Variants in RBFOX1 observed in about 807,000 individuals in gnomAD.
RBFOX1 encodes RNA binding protein fox-1 homolog 1.
A neutral mutation model predicts 57.7 loss-of-function variants in RBFOX1; 8 were observed. That is an observed-to-expected ratio of 0.14 (90% CI 0.08 to 0.25). RBFOX1 has a LOEUF of 0.25. RBFOX1 is among the 10% of genes least tolerant of loss of function. The probability of loss-of-function intolerance (pLI) is 1.00; values close to 1 mark genes in which losing one functional copy is unlikely to be tolerated. For synonymous variants in RBFOX1, 326 were observed against 222.4 expected (o/e 1.47, Z -4.15); for missense variants, 611 against 548.5 (o/e 1.11, Z -1.14).
chr16:7,252,160 C>A (rs1032236107), intron 4 of RBFOX1, among the ~76,000 whole-genome samples: 2 of 152,198 alleles, frequency 1.3e-5, no homozygotes, highest in Non-Finnish European at 2.9e-5. Context: ...ATGAGAACTC[C>A]TATTTCTTAC....
At chr16:5,495,880 C>G (rs2042985668) in intron 2 of RBFOX1, among the ~76,000 whole-genome samples, 1 of 152,200 alleles carries the variant, frequency 6.6e-6, no homozygotes, top group Admixed American at 6.5e-5. Context: ...AATCCCGGCA[C>G]TGTGGGAGGC....
intron 13 of RBFOX1, among the ~76,000 whole-genome samples, chr16:7,667,916 C>T (rs2069940930): frequency 6.6e-6 from 1 of 152,128 alleles, no homozygotes; most frequent in African/African-American, 2.4e-5. Context: ...TCAAGTGATC[C>T]ATCCGCCTCG....
intron 4 of RBFOX1, among the ~76,000 whole-genome samples, chr16:5,908,796 G>A (rs2058541688): frequency 6.6e-6 from 1 of 152,064 alleles, no homozygotes; most frequent in Non-Finnish European, 1.5e-5. Flanking sequence ...CCTGATGTGA[G>A]GATGTTCAGA....
At chr16:7,109,574 T>C (rs1407449225) in intron 4 of RBFOX1, among the ~76,000 whole-genome samples, 1 of 152,076 alleles carries the variant, frequency 6.6e-6, no homozygotes, top group Non-Finnish European at 1.5e-5. Context: ...CAAATGATGA[T>C]GGTAGAATTT....
intron 3 of RBFOX1, among the ~76,000 whole-genome samples, chr16:6,999,225 A>ATTTTTTTTTTTTTT (rs200620958): frequency 1.1e-4 from 14 of 122,952 alleles, no homozygotes; most frequent in Non-Finnish European, 2.4e-4. Flanking sequence ...TATTTTTTTT[A>ATTTTTTTTTTTTTT]TTTATTTTTT....
At chr16:7,211,696 G>T (rs1156812251) in intron 4 of RBFOX1, among the ~76,000 whole-genome samples, 2 of 152,116 alleles carry the variant, frequency 1.3e-5, no homozygotes, top group African/African-American at 4.8e-5. Context: ...CTGCCCTGGG[G>T]TAATGGGTGG....
At chr16:6,847,794 G>A (rs150549115) in intron 3 of RBFOX1, among the ~76,000 whole-genome samples, 21 of 151,926 alleles carry the variant, frequency 1.4e-4, no homozygotes, top group African/African-American at 5.1e-4. Flanking sequence ...AATAAAATCT[G>A]GTAATTTTAC....
chr16:7,487,312 C>G (rs1009287882), intron 4 of RBFOX1, among the ~76,000 whole-genome samples: 1 of 152,182 alleles, frequency 6.6e-6, no homozygotes, highest in African/African-American at 2.4e-5. Context: ...GGCCCCATCA[C>G]TGTCTTGCTC....
intron 2 of RBFOX1, among the ~76,000 whole-genome samples, chr16:6,494,499 C>T (rs769961585): frequency 6.6e-6 from 1 of 152,192 alleles, no homozygotes; most frequent in Non-Finnish European, 1.5e-5. Flanking sequence ...GGCTTATTGA[C>T]TCATCATTCC....
chr16:6,312,708 C>A (rs2080518309), intron 1 of RBFOX1, among the ~76,000 whole-genome samples: 1 of 148,322 alleles, frequency 6.7e-6, no homozygotes, highest in Non-Finnish European at 1.5e-5. Flanking sequence ...TTCCTTCCTT[C>A]CTTCCTCCAT....
In RBFOX1 at chr16:7,363,053, G is replaced by A. The variant is rs146757221; in HGVS notation, c.28-155094G>A. On this transcript the variant is annotated intron_variant, in intron 4 of 15. Coordinates refer to ENST00000550418, the MANE Select transcript of RBFOX1 (RefSeq NM_018723.4). ...AGCAGGATGGCCTGTAAATCACCCA[G>A]TGTGGGGCCTGGATCATTGAGAGCA... Among the ~76,000 whole-genome samples, 1,152 of 152,312 alleles carry A rather than the reference G, an allele frequency of 7.6e-3. 12 individuals carry two copies. Among genetic ancestry groups the A allele is most frequent in the African/African-American group, 0.026 (1,093 of 41,564 alleles).
chr16:6,042,947 G>T (rs1309098986), intron 1 of RBFOX1, among the ~76,000 whole-genome samples: 2 of 151,514 alleles, frequency 1.3e-5, no homozygotes, highest in African/African-American at 4.8e-5. Context: ...AAGATAAGGG[G>T]GGTTGTGAAA....
intron 11 of RBFOX1, 57 bp from the exon 12 acceptor site, chr16:7,653,758 G>T: frequency 6.3e-7 from 1 of 1,598,112 alleles, no homozygotes; most frequent in East Asian, 2.2e-5. Flanking sequence ...TCCCTCCACA[G>T]CAGGGTGTGC....
rs570254082 is a variant in RBFOX1 at position 7,075,506 on chromosome 16, A to G, written c.27+23408A>G. Reference sequence around the variant, plus strand: ...CTAGATTTTTTTTGGCTTCTCTTTAAAACAATAAGTATTAAAAAATAAAAG... The same window carrying G: ...CTAGATTTTTTTTGGCTTCTCTTTAGAACAATAAGTATTAAAAAATAAAAG... On this transcript the variant is annotated intron_variant, in intron 4 of 15. Transcript: ENST00000550418. Among the ~76,000 whole-genome samples the G allele has an allele frequency of 7.7e-4, 117 of 152,354 alleles. No individual in the cohort carries two copies. The South Asian group carries it at 0.011, about 14-fold the overall frequency.
At chr16:6,980,138 C>A (rs1461734231) in intron 3 of RBFOX1, among the ~76,000 whole-genome samples, 1 of 152,130 alleles carries the variant, frequency 6.6e-6, no homozygotes, top group African/African-American at 2.4e-5. Flanking sequence ...CACCTGAGAA[C>A]CTTAATCCCT....
At chr16:7,518,471 A>C in intron 5 of RBFOX1, 82 bp downstream of exon 5, 1 of 1,510,378 alleles carries the variant, frequency 6.6e-7, no homozygotes, top group Non-Finnish European at 8.9e-7. Flanking sequence ...GTGCACCCCC[A>C]TCTACCCAGG....
At position 7,304,620 on chromosome 16, in the gene RBFOX1, G is replaced by T. The variant is rs573304935; in HGVS notation, c.28-213527G>T. ...CTCCCGCGTTGCGATGGAAAGGGTG[G>T]ATGGAAGCCTCCTGCTCTCTGTGGA... On this transcript the variant is annotated intron_variant, in intron 4 of 15. Coordinates refer to ENST00000550418, the MANE Select transcript of RBFOX1 (RefSeq NM_018723.4). The T allele has an allele frequency of 3.1e-6, 3 of 976,552 alleles. No homozygotes were observed. In the South Asian group the frequency reaches 1.4e-4, roughly 46 times the overall value. The allele number at this position is 976,552 out of a possible 1,614,324, so 60.5% of individuals were successfully genotyped here.
In RBFOX1 at chr16:7,131,998, C is replaced by CTT. The variant is rs34879688; in HGVS notation, c.27+79916_27+79917dup. 1.5e-3 allele frequency among the ~76,000 whole-genome samples: 189 copies of CTT among 123,828 alleles called. 2 individuals are homozygous for CTT. Among genetic ancestry groups the CTT allele is most frequent in the South Asian group, 4.8e-3 (17 of 3,564 alleles). 81.2% of individuals were successfully genotyped at this position (123,828 alleles called of 152,430 possible). On this transcript the variant is annotated intron_variant, in intron 4 of 15. Coordinates refer to ENST00000550418, the MANE Select transcript of RBFOX1 (RefSeq NM_018723.4). ...GATGACTAGAGTCCTTTTTTTCTTT[C>CTT]TTTTTTTTTTTTTTTTTGAGTGTCA... is the stretch of plus-strand genomic sequence containing the variant.
chr16:6,173,869 C>G (rs533187711), intron 1 of RBFOX1, among the ~76,000 whole-genome samples: 3 of 151,974 alleles, frequency 2.0e-5, no homozygotes, highest in Admixed American at 2.0e-4. Flanking sequence ...CTTGGCCTCC[C>G]AAAGTGCTGT....
Sources: gnomAD v4.1 joint callset for allele counts (sites outside exome capture counted in the v4.1 genomes callset) on GRCh38, gnomAD v4.1.1 for gene constraint, MANE v1.5 for transcripts, NCBI Gene and HGNC (gene_info 2026-07-23, HGNC 2026-07-21) for gene names.